The following CIT variants were observed in gnomAD, a reference collection of about 807,000 sequenced individuals.
The protein encoded by CIT is citron Rho-interacting kinase.
A neutral mutation model predicts 272.7 loss-of-function variants in CIT; 79 were observed. The ratio of observed to expected loss-of-function variants is 0.29; its 90% CI spans 0.24 to 0.35. The LOEUF (loss-of-function observed/expected upper bound fraction) is 0.35. Among genes scored for constraint, CIT ranks in the 10% least tolerant of loss-of-function variants. CIT has a pLI of 1.00. For missense variants in CIT, 1,909 were observed against 2,618.3 expected (o/e 0.73, Z 5.91); for synonymous variants, 948 against 995.6 (o/e 0.95, Z 0.90).
At chr12:119,851,062 G>A (rs1419384685) in intron 4 of CIT, among the ~76,000 whole-genome samples, 2 of 152,210 alleles carry the variant, frequency 1.3e-5, no homozygotes, top group Admixed American at 6.5e-5. Flanking sequence ...GGAACTGGGG[G>A]CACGGGTGTG....
intron 10 of CIT, among the ~76,000 whole-genome samples, chr12:119,785,859 C>A (rs1237710600): frequency 2.0e-5 from 3 of 152,118 alleles, no homozygotes; most frequent in African/African-American, 7.2e-5. Flanking sequence ...GGATTACAGG[C>A]TTGAGCCACC....
intron 2 of CIT, among the ~76,000 whole-genome samples, chr12:119,871,507 C>A (rs747115381): frequency 6.6e-6 from 1 of 152,136 alleles, no homozygotes; most frequent in Non-Finnish European, 1.5e-5. Flanking sequence ...CCCCCTCCCC[C>A]ACAACCAAAT....
chr12:119,700,963 C>G, intron 43 of CIT, 138 bp from the exon 44 acceptor site: 1 of 541,028 alleles, frequency 1.8e-6, no homozygotes. Flanking sequence ...ACCAGAGGCC[C>G]TCTGCTGAGC....
intron 3 of CIT, among the ~76,000 whole-genome samples, chr12:119,862,134 G>A (rs963147329): frequency 6.6e-6 from 1 of 152,034 alleles, no homozygotes; most frequent in Non-Finnish European, 1.5e-5. Flanking sequence ...CCGAGTAGCT[G>A]GAACTACAGG....
chr12:119,862,031 C>A (rs1950354252), intron 3 of CIT, among the ~76,000 whole-genome samples: 1 of 152,102 alleles, frequency 6.6e-6, no homozygotes, highest in Non-Finnish European at 1.5e-5. Flanking sequence ...GATGGAGTCT[C>A]ACTCTGTCAC....
intron 4 of CIT, among the ~76,000 whole-genome samples, chr12:119,852,568 T>C (rs1011989950): frequency 2.6e-5 from 4 of 151,630 alleles, no homozygotes; most frequent in African/African-American, 4.8e-5. Context: ...AATACAAAAA[T>C]TAGCTGGGCA....
At chr12:119,759,734 C>A (rs1408793732) in intron 20 of CIT, among the ~76,000 whole-genome samples, 1 of 152,144 alleles carries the variant, frequency 6.6e-6, no homozygotes, top group African/African-American at 2.4e-5. Flanking sequence ...CATCCCCCCA[C>A]CCCTGTGGAA....
At chr12:119,772,603 T>C (rs1963292114) in intron 17 of CIT, among the ~76,000 whole-genome samples, 167 bp downstream of exon 17, 1 of 152,246 alleles carries the variant, frequency 6.6e-6, no homozygotes, top group Admixed American at 6.5e-5. Flanking sequence ...CAAATCTTTC[T>C]TTCCCCTGGG....
At chr12:119,827,505 T>C (rs1288291353) in intron 7 of CIT, among the ~76,000 whole-genome samples, 2 of 151,916 alleles carry the variant, frequency 1.3e-5, no homozygotes, top group African/African-American at 4.8e-5. Flanking sequence ...TGCTGCGATC[T>C]CAGCTCACTG....
At chr12:119,759,944 T>C (rs1457964971) in intron 20 of CIT, among the ~76,000 whole-genome samples, 8 of 152,008 alleles carry the variant, frequency 5.3e-5, no homozygotes, top group Admixed American at 5.2e-4. Flanking sequence ...CCCAGCACTT[T>C]GGGAGGCCGA....
intron 9 of CIT, among the ~76,000 whole-genome samples, chr12:119,808,131 TTC>T (rs778303280): frequency 5.3e-5 from 8 of 152,154 alleles, no homozygotes; most frequent in Admixed American, 2.6e-4. Flanking sequence ...CTTCTATAAA[TTC>T]TCTCTCTCTC....
chr12:119,755,146 C>A (rs1389287279), intron 22 of CIT, among the ~76,000 whole-genome samples: 3 of 152,086 alleles, frequency 2.0e-5, no homozygotes, highest in Non-Finnish European at 4.4e-5. Context: ...CAGACGTCCT[C>A]CTTCTGAGAA....
intron 44 of CIT, among the ~76,000 whole-genome samples, chr12:119,698,600 A>C (rs1956367189): frequency 6.6e-6 from 1 of 152,036 alleles, no homozygotes; most frequent in Non-Finnish European, 1.5e-5. Flanking sequence ...AAAAAAAAAA[A>C]AAAAAAATTA....
rs549615071 is a variant in CIT, at chr12:119,761,171, G to C, written c.2305-116C>G. 109 of 805,568 alleles carry C rather than the reference G, an allele frequency of 1.4e-4. No individual in the cohort carries two copies. The Admixed American group carries it at 1.4e-3, about 11-fold the overall frequency. The allele number at this position is 805,568 out of a possible 1,614,324, so 49.9% of individuals were successfully genotyped here. A position where few individuals can be genotyped will look rare whatever the true frequency, so the allele number is the denominator to read the frequency against. On this transcript the variant is annotated intron_variant, in intron 19 of 47. Transcript: ENST00000392521. ...GGAGAAAAGCAGGGGAGAGGCCCGA[G>C]GTCTCCAAATTCTGGGGCAAAGAGA... is the stretch of plus-strand genomic sequence containing the variant.
chr12:119,874,419 C>T (rs1950777878), intron 2 of CIT, among the ~76,000 whole-genome samples: 1 of 152,114 alleles, frequency 6.6e-6, no homozygotes, highest in South Asian at 2.1e-4. Flanking sequence ...AGTAATGCAG[C>T]TAACTAGTGC....
chr12:119,813,659 C>T (rs1318206674), intron 9 of CIT, among the ~76,000 whole-genome samples: 1 of 152,214 alleles, frequency 6.6e-6, no homozygotes. Flanking sequence ...AACAAACCCA[C>T]TCTGTTTCCC....
chr12:119,776,924 C>CTT, intron 13 of CIT, 82 bp from the exon 14 acceptor site: 1 of 1,426,124 alleles, frequency 7.0e-7, no homozygotes, highest in East Asian at 2.3e-5. Flanking sequence ...AGAGTATTAA[C>CTT]CACACAGGGA....
At chr12:119,745,126 C>T (rs1030416838) in intron 23 of CIT, among the ~76,000 whole-genome samples, 2 of 149,646 alleles carry the variant, frequency 1.3e-5, no homozygotes, top group Admixed American at 6.7e-5. Flanking sequence ...CAAGTAAGTA[C>T]CAAGCATAAG....
At position 119,710,633 on chromosome 12, in the gene CIT, G is replaced by A. The variant is rs549043964; in HGVS notation, c.4855-13C>T. 1.4e-4 allele frequency: 227 copies of A among 1,610,188 alleles called. No individual in the cohort carries two copies. In the South Asian group the frequency reaches 2.3e-3, roughly 16 times the overall value. On this transcript the variant is annotated splice_polypyrimidine_tract_variant and intron_variant, in intron 37 of 47. Coordinates refer to ENST00000392521, the MANE Select transcript of CIT (RefSeq NM_001206999.2). The surrounding 1 kb of genome is among the most constrained non-coding windows in gnomAD (Gnocchi z 5.6). ...TTCCAAGCAGTTTCTTTTCATAGGT[G>A]AAAGAAAAGAAAAACAGAAGACATC...
Sources: allele counts gnomAD v4.1 joint callset (sites outside exome capture counted in the v4.1 genomes callset), GRCh38; gene constraint gnomAD v4.1.1; non-coding constraint Gnocchi (gnomAD v3.1); transcripts MANE v1.5; gene names NCBI Gene and HGNC (gene_info 2026-07-23, HGNC 2026-07-21).